LPP: variants seen among roughly 807,000 people sequenced by gnomAD.
LPP encodes LIM domain containing preferred translocation partner in lipoma, also known as lipoma-preferred partner.
A neutral mutation model predicts 60.4 loss-of-function variants in LPP; 38 were observed. The ratio of observed to expected loss-of-function variants is 0.63; its 90% CI spans 0.49 to 0.83. The LOEUF (loss-of-function observed/expected upper bound fraction) is 0.83. LPP is among the 40% of genes least tolerant of loss of function. The probability of loss-of-function intolerance (pLI) is 0.00; values close to 1 mark genes in which losing one functional copy is unlikely to be tolerated. For synonymous variants in LPP, 328 were observed against 290.8 expected, an observed-to-expected ratio of 1.13 and a Z score of -1.30; for missense variants, 902 against 783.6, an observed-to-expected ratio of 1.15 and a Z score of -1.80.
intron 8 of LPP, among the ~76,000 whole-genome samples, chr3:188,738,146 G>C (rs1723151156): frequency 6.6e-6 from 1 of 151,960 alleles, no homozygotes; most frequent in Admixed American, 6.6e-5. Flanking sequence ...ACCATCCCCT[G>C]ACCTGTCATT....
chr3:188,426,909 T>C (rs927575982), intron 4 of LPP, among the ~76,000 whole-genome samples: 1 of 152,256 alleles, frequency 6.6e-6, no homozygotes, highest in Non-Finnish European at 1.5e-5. Context: ...TTATCCAGTT[T>C]GCCAGTCTGT....
intron 10 of LPP, among the ~76,000 whole-genome samples, chr3:188,871,115 C>T (rs1201720656): frequency 1.3e-5 from 2 of 152,016 alleles, no homozygotes; most frequent in African/African-American, 2.4e-5. Flanking sequence ...AATTCAATGA[C>T]AGAATTCTTA....
At chr3:188,299,616 C>A (rs1412125922) in intron 2 of LPP, among the ~76,000 whole-genome samples, 3 of 152,160 alleles carry the variant, frequency 2.0e-5, no homozygotes, top group Non-Finnish European at 2.9e-5. Flanking sequence ...GTCTCCCCGT[C>A]CCACTGTGAG....
At chr3:188,581,599 C>T (rs1580146293) in intron 6 of LPP, among the ~76,000 whole-genome samples, 1 of 152,102 alleles carries the variant, frequency 6.6e-6, no homozygotes, top group African/African-American at 2.4e-5. Flanking sequence ...CTGCCACTAC[C>T]CAGGCTGTTA....
chr3:188,617,522 T>C (rs948889329), intron 7 of LPP, among the ~76,000 whole-genome samples: 5 of 152,168 alleles, frequency 3.3e-5, no homozygotes, highest in African/African-American at 9.7e-5. Context: ...ATTCTGGTGC[T>C]CCCTATTCTG....
chr3:188,241,740 A>G (rs2149473000), intron 2 of LPP, among the ~76,000 whole-genome samples: 1 of 152,278 alleles, frequency 6.6e-6, no homozygotes, highest in Non-Finnish European at 1.5e-5. Flanking sequence ...TGACTTTGTT[A>G]TAACTACTAC....
intron 9 of LPP, 60 bp from the exon 10 acceptor site, chr3:188,866,140 G>C: frequency 7.6e-7 from 1 of 1,319,840 alleles, no homozygotes; most frequent in Non-Finnish European, 1.0e-6. Context: ...AAAGATGCCT[G>C]TCATGCAGTA....
chr3:188,371,778 C>A (rs1165522911), intron 3 of LPP, among the ~76,000 whole-genome samples: 1 of 147,972 alleles, frequency 6.8e-6, no homozygotes, highest in East Asian at 2.0e-4. Context: ...CCTCAGCCTC[C>A]CAAGCAGCTG....
chr3:188,246,312 C>T (rs1726933459), intron 2 of LPP, among the ~76,000 whole-genome samples: 1 of 152,064 alleles, frequency 6.6e-6, no homozygotes, highest in Non-Finnish European at 1.5e-5. Flanking sequence ...CATAGAATTT[C>T]TGTAATTATC....
At chr3:188,655,600 T>G (rs1225609089) in intron 7 of LPP, among the ~76,000 whole-genome samples, 1 of 152,150 alleles carries the variant, frequency 6.6e-6, no homozygotes, top group Non-Finnish European at 1.5e-5. Context: ...ACACTGGGGA[T>G]TTAGTCACCA....
At chr3:188,595,108 C>A (rs904105885) in intron 6 of LPP, among the ~76,000 whole-genome samples, 5 of 152,060 alleles carry the variant, frequency 3.3e-5, no homozygotes, top group African/African-American at 9.7e-5. Flanking sequence ...AGCCCAAAAA[C>A]GTCCCTTAGG....
chr3:188,536,694 T>TC (rs1553923485), intron 6 of LPP, among the ~76,000 whole-genome samples: 1 of 151,636 alleles, frequency 6.6e-6, no homozygotes, highest in African/African-American at 2.4e-5. Context: ...ATATAAGATT[T>TC]AAGTGGGTTA....
At chr3:188,470,319 C>CACAT (rs138685539) in intron 4 of LPP, among the ~76,000 whole-genome samples, 7,279 of 148,810 alleles carry the variant, frequency 0.049, 352 homozygotes, top group African/African-American at 0.095. Context: ...CACACACACA[C>CACAT]GCACACATAA....
At position 188,694,706 on chromosome 3, in the gene LPP, A is replaced by AT. The variant is rs1479072889; in HGVS notation, c.1114-13561_1114-13560insT. Among the ~76,000 whole-genome samples the AT allele has an allele frequency of 2.3e-3, 345 of 151,492 alleles. 3 individuals are homozygous for AT. The highest frequency in any genetic ancestry group is 7.8e-3 in the African/African-American group (320 of 40,958). On this transcript the variant is annotated intron_variant, in intron 7 of 11. Transcript: ENST00000617246. ...GAGTGAAACTCCATCTCAAAAAAAA[A>AT]AAAATAAATAAAAACTAAAAAACAA... is the stretch of plus-strand genomic sequence containing the variant.
chr3:188,708,464 T>G, intron 8 of LPP, 71 bp downstream of exon 8: 5 of 1,598,260 alleles, frequency 3.1e-6, no homozygotes, highest in Non-Finnish European at 4.3e-6. Flanking sequence ...TAATTGGAAC[T>G]ATTATCAGCT....
intron 4 of LPP, among the ~76,000 whole-genome samples, chr3:188,412,364 C>G (rs991153242): frequency 6.6e-6 from 1 of 152,068 alleles, no homozygotes. Flanking sequence ...ACCAATTCAA[C>G]GTGATCATTT....
At chr3:188,808,861 A>G (rs925754111) in intron 9 of LPP, among the ~76,000 whole-genome samples, 4 of 151,974 alleles carry the variant, frequency 2.6e-5, no homozygotes, top group African/African-American at 7.2e-5. Context: ...GCTCAGATGT[A>G]TGTTGTGCTT....
At chr3:188,331,477 A>G (rs1760062710) in intron 2 of LPP, among the ~76,000 whole-genome samples, 1 of 152,186 alleles carries the variant, frequency 6.6e-6, no homozygotes. Flanking sequence ...TGATTTTCCC[A>G]TTATTTTAAT....
chr3:188,518,090 A>G (rs1817899709), intron 5 of LPP, among the ~76,000 whole-genome samples: 1 of 152,154 alleles, frequency 6.6e-6, no homozygotes. Context: ...CTTCCTGTAC[A>G]GCCTGCGGAA....
Sources: allele counts gnomAD v4.1 joint callset (sites outside exome capture counted in the v4.1 genomes callset), GRCh38; gene constraint gnomAD v4.1.1; transcripts MANE v1.5; gene names NCBI Gene and HGNC (gene_info 2026-07-23, HGNC 2026-07-21).